ALDH1A2: variants seen among roughly 807,000 people sequenced by gnomAD.
ALDH1A2 encodes retinal dehydrogenase 2.
In ALDH1A2, 27 loss-of-function variants were observed where a neutral mutation model predicts 60.3. The ratio of observed to expected loss-of-function variants is 0.45; its 90% CI spans 0.33 to 0.62. The LOEUF is 0.62. Among genes scored for constraint, ALDH1A2 ranks in the 20% least tolerant of loss-of-function variants. The pLI, the probability that ALDH1A2 is intolerant of heterozygous loss-of-function variation, is 0.02. For missense variants in ALDH1A2, 581 were observed against 643.8 expected, an observed-to-expected ratio of 0.90 and a Z score of 1.06; for synonymous variants, 289 against 232.4, an observed-to-expected ratio of 1.24 and a Z score of -2.21.
rs538832891 is a variant in ALDH1A2 at position 58,031,031 on chromosome 15, A to G, written c.118-16750T>C. On this transcript the variant is annotated intron_variant, in intron 1 of 12. Transcript: ENST00000249750. ...TTCTTCAAAGAACTGGAAAAAACTAAAGTTCACATAGAACCAAAAAAGAGC... is the reference window on the plus strand; with the variant it reads ...TTCTTCAAAGAACTGGAAAAAACTAGAGTTCACATAGAACCAAAAAAGAGC... 6.6e-5 allele frequency among the ~76,000 whole-genome samples: 10 copies of G among 152,130 alleles called. No homozygotes were observed. In the East Asian group the frequency reaches 7.7e-4, roughly 12 times the overall value.
At chr15:58,014,986 T>C (rs1895748938) in intron 1 of ALDH1A2, among the ~76,000 whole-genome samples, 1 of 152,174 alleles carries the variant, frequency 6.6e-6, no homozygotes, top group African/African-American at 2.4e-5. Flanking sequence ...GACTGAAGAT[T>C]TGGGAAATTA....
At chr15:57,961,409 A>T in intron 10 of ALDH1A2, 115 bp from the exon 11 acceptor site, 1 of 1,293,132 alleles carries the variant, frequency 7.7e-7, no homozygotes, top group East Asian at 2.5e-5. Context: ...TAAGTTTAGC[A>T]GTACAAAACT....
At chr15:58,014,581 GGCAAGAGT>G (rs1364855007) in intron 1 of ALDH1A2, 1 of 477,614 alleles carries the variant, frequency 2.1e-6, no homozygotes, top group Non-Finnish European at 4.1e-6. Context: ...CTGATGCTAA[GGCAAGAGT>G]TATCGATAGC....
chr15:57,981,289 A>AACACACACAC (rs775138747), intron 7 of ALDH1A2, among the ~76,000 whole-genome samples: 3,223 of 142,082 alleles, frequency 0.023, 54 homozygotes, highest in African/African-American at 0.034. Flanking sequence ...TAGAAGAGCA[A>AACACACACAC]ACACACACAC....
At chr15:58,014,581 G>A (rs1213335598) in intron 1 of ALDH1A2, 1 of 477,732 alleles carries the variant, frequency 2.1e-6, no homozygotes, top group South Asian at 1.5e-5. Context: ...CTGATGCTAA[G>A]GCAAGAGTTA....
At position 57,955,834 on chromosome 15, in the gene ALDH1A2, C is replaced by T. The variant is rs1028864900; in HGVS notation, c.1485-565G>A. ...TGTTTACTACAGTGCTCCTTCTCCTCCACATCTCTTCTCTATTCTCCTGTT... is the reference window on the plus strand; with the variant it reads ...TGTTTACTACAGTGCTCCTTCTCCTTCACATCTCTTCTCTATTCTCCTGTT... On this transcript the variant is annotated intron_variant, in intron 12 of 12. Coordinates refer to ENST00000249750, the MANE Select transcript of ALDH1A2 (RefSeq NM_003888.4). 3.9e-5 allele frequency among the ~76,000 whole-genome samples: 6 copies of T among 152,356 alleles called. 1 individual carries two copies. In the South Asian group the frequency reaches 1.2e-3, roughly 32 times the overall value.
At chr15:58,058,608 AAG>A (rs1209287874) in intron 1 of ALDH1A2, among the ~76,000 whole-genome samples, 1 of 152,088 alleles carries the variant, frequency 6.6e-6, no homozygotes, top group Non-Finnish European at 1.5e-5. Context: ...CAAGATTGGA[AAG>A]AGTTTTCAGA....
intron 1 of ALDH1A2, among the ~76,000 whole-genome samples, chr15:58,034,720 G>T (rs1436409460): frequency 6.6e-6 from 1 of 151,644 alleles, no homozygotes; most frequent in Non-Finnish European, 1.5e-5. Context: ...TGCATGTACA[G>T]ACATGATCTC....
chr15:58,058,615 T>C (rs188277434), intron 1 of ALDH1A2, among the ~76,000 whole-genome samples: 104 of 152,210 alleles, frequency 6.8e-4, no homozygotes, highest in Non-Finnish European at 5.3e-4. Context: ...GGAAAGAGTT[T>C]TCAGATTCAT....
intron 12 of ALDH1A2, among the ~76,000 whole-genome samples, chr15:57,958,603 T>C (rs1363817947): frequency 6.6e-6 from 1 of 152,122 alleles, no homozygotes; most frequent in Non-Finnish European, 1.5e-5. Context: ...CTCTTAGGGA[T>C]AGACAGGGAG....
At chr15:57,969,151 G>T (rs4646616) in intron 7 of ALDH1A2, among the ~76,000 whole-genome samples, 11 of 152,050 alleles carry the variant, frequency 7.2e-5, no homozygotes, top group Admixed American at 3.3e-4. Context: ...CTCCTAAACA[G>T]CCCTGGTTTT....
intron 4 of ALDH1A2, among the ~76,000 whole-genome samples, chr15:57,996,415 C>T (rs1162327228): frequency 6.6e-6 from 1 of 151,550 alleles, no homozygotes; most frequent in East Asian, 1.9e-4. Context: ...AACTTTTATT[C>T]ACATACAAGT....
intron 1 of ALDH1A2, among the ~76,000 whole-genome samples, chr15:58,015,084 A>T (rs1281247079): frequency 6.6e-6 from 1 of 152,214 alleles, no homozygotes; most frequent in East Asian, 1.9e-4. Context: ...ATTCTTATTG[A>T]GTGAGAAACC....
chr15:58,061,712 A>G (rs1323576448), intron 1 of ALDH1A2, among the ~76,000 whole-genome samples: 1 of 151,844 alleles, frequency 6.6e-6, no homozygotes, highest in Non-Finnish European at 1.5e-5. Context: ...TTTAAAGTCA[A>G]GGCCAATGTC....
At chr15:57,960,672 T>G (rs1365157390) in intron 12 of ALDH1A2, 98 bp downstream of exon 12, 33 of 1,011,824 alleles carry the variant, frequency 3.3e-5, no homozygotes, top group Non-Finnish European at 4.9e-5. Flanking sequence ...GTTGAATGTA[T>G]GGATGAGTGT....
intron 7 of ALDH1A2, among the ~76,000 whole-genome samples, chr15:57,968,381 GGT>G (rs1362911873): frequency 2.2e-4 from 33 of 152,294 alleles, no homozygotes; most frequent in African/African-American, 7.7e-4. Flanking sequence ...CTCCCCAGCT[GGT>G]TCATGACAGA....
chr15:58,030,488 G>A (rs1461757180), intron 1 of ALDH1A2, among the ~76,000 whole-genome samples: 5 of 152,144 alleles, frequency 3.3e-5, no homozygotes, highest in Admixed American at 3.3e-4. Flanking sequence ...ACAAGACAAG[G>A]ATGCCCTCCC....
intron 7 of ALDH1A2, among the ~76,000 whole-genome samples, chr15:57,970,128 T>G (rs1894014975): frequency 6.6e-6 from 1 of 152,236 alleles, no homozygotes; most frequent in Non-Finnish European, 1.5e-5. Flanking sequence ...TCTTGTGTTT[T>G]TCTTGCCTTA....
intron 12 of ALDH1A2, among the ~76,000 whole-genome samples, chr15:57,958,863 G>A (rs745911267): frequency 1.1e-4 from 16 of 152,164 alleles, no homozygotes; most frequent in Non-Finnish European, 7.4e-5. Flanking sequence ...GATGCAGTGG[G>A]TCTCATCAAA....
Sources: gnomAD v4.1 joint callset for allele counts (sites outside exome capture counted in the v4.1 genomes callset) on GRCh38, gnomAD v4.1.1 for gene constraint, MANE v1.5 for transcripts, NCBI Gene and HGNC (gene_info 2026-07-23, HGNC 2026-07-21) for gene names.